The following TPRA1 variants were observed in gnomAD, a reference collection of about 807,000 sequenced individuals.
TPRA1 encodes transmembrane protein adipocyte-associated 1.
TPRA1 carries 28 observed loss-of-function variants against 40.1 expected under a neutral mutation model. That is an observed-to-expected ratio of 0.70 (90% CI 0.52 to 0.96). The LOEUF (loss-of-function observed/expected upper bound fraction) is 0.96. Among genes scored for constraint, TPRA1 ranks in the 40% least tolerant of loss-of-function variants. TPRA1 has a pLI of 0.00. For missense variants in TPRA1, 441 were observed against 482.6 expected, an observed-to-expected ratio of 0.91 and a Z score of 0.81; for synonymous variants, 219 against 209.7, an observed-to-expected ratio of 1.04 and a Z score of -0.38.
chr3:127,585,369 A>G (rs2073967987), intron 1 of TPRA1, among the ~76,000 whole-genome samples: 1 of 152,244 alleles, frequency 6.6e-6, no homozygotes, highest in Non-Finnish European at 1.5e-5. Flanking sequence ...GCCAGGTCCC[A>G]CATGCAACTC....
At chr3:127,580,195 G>A (rs2073788368) in intron 1 of TPRA1, 32 bp from the exon 2 acceptor site, 2 of 1,596,012 alleles carry the variant, frequency 1.3e-6, no homozygotes, top group Middle Eastern at 1.9e-4. Flanking sequence ...AGTGAGCTGT[G>A]TGGCCTGGGC....
At chr3:127,578,049 A>ACTGCTGTGCCCCCAAATC (rs1306539033) in intron 3 of TPRA1, among the ~76,000 whole-genome samples, 35 of 152,226 alleles carry the variant, frequency 2.3e-4, no homozygotes, top group Admixed American at 5.9e-4. Flanking sequence ...CCCCAGCAGC[A>ACTGCTGTGCCCCCAAATC]CTGCTGTGCC....
upstream of TPRA1, among the ~76,000 whole-genome samples, chr3:127,591,282 A>G (rs2074164556): frequency 6.6e-6 from 1 of 152,190 alleles, no homozygotes; most frequent in African/African-American, 2.4e-5. Flanking sequence ...CGGCGCCGCC[A>G]TGCCTCGGGC....
intron 1 of TPRA1, among the ~76,000 whole-genome samples, chr3:127,582,970 C>A (rs1299589281): frequency 6.6e-6 from 1 of 151,990 alleles, no homozygotes; most frequent in Admixed American, 6.6e-5. Flanking sequence ...ATGGAAAAAC[C>A]CTGTCTCTAC....
At chr3:127,582,718 A>AT (rs781092094) in intron 1 of TPRA1, among the ~76,000 whole-genome samples, 8 of 148,612 alleles carry the variant, frequency 5.4e-5, no homozygotes, top group African/African-American at 2.0e-4. Context: ...AAAAAAAAAA[A>AT]GGCTGGGCAC....
Position 127,579,826 on chromosome 3 carries a change from G to A in TPRA1, c.172C>T (p.Leu58Phe), listed in dbSNP as rs1483610153. The stretch of plus-strand genomic sequence containing the variant: ...GGAAGCTTCCAGAGCAGGAAGATGA[G>A]GAAGAGCACATTGGGGATGAGCAGC... ...LLLLIPNVLF[L>F]IFLLWKLPSA... The change falls in exon 3 of 11, where the codon CTC becomes TTC. Residue 58 changes from leucine (L) to phenylalanine (F), a missense_variant. Physicochemically the swap from Leu to Phe is conservative, Grantham distance 22. Transcript: ENST00000355552. 1.2e-6 allele frequency: 2 copies of A among 1,613,924 alleles called. No individual in the cohort carries two copies. Among genetic ancestry groups the A allele is most frequent in the Non-Finnish European group, 1.7e-6 (2 of 1,180,042 alleles).
At chr3:127,583,070 C>T (rs1007499994) in intron 1 of TPRA1, among the ~76,000 whole-genome samples, 25 of 151,216 alleles carry the variant, frequency 1.7e-4, no homozygotes, top group African/African-American at 4.1e-4. Flanking sequence ...CCCTTGAACC[C>T]GGGAGGCATA....
chr3:127,574,552 T>C (rs2073511643), intron 10 of TPRA1, among the ~76,000 whole-genome samples: 1 of 152,226 alleles, frequency 6.6e-6, no homozygotes, highest in Non-Finnish European at 1.5e-5. Context: ...CACTTAAGTC[T>C]TCCCCCAACA....
At chr3:127,592,540 C>A (rs942906189), upstream of TPRA1, among the ~76,000 whole-genome samples, 1 of 151,334 alleles carries the variant, frequency 6.6e-6, no homozygotes, top group African/African-American at 2.4e-5. Flanking sequence ...CGCCCGCCAC[C>A]GCGCCCGGCT....
chr3:127,587,316 A>G (rs1335521067), intron 1 of TPRA1: 3 of 152,176 alleles, frequency 2.0e-5, no homozygotes, highest in Non-Finnish European at 2.9e-5. Flanking sequence ...GGATGGAGAC[A>G]GATCTTGATG....
rs1168081985 is a variant in TPRA1, at chr3:127,573,527, A to T, written c.1116T>A (p.Asn372Lys). 1 of 1,610,896 alleles carries T rather than the reference A, an allele frequency of 6.2e-7. No homozygotes were observed. The highest frequency in any genetic ancestry group is 8.5e-7 in the Non-Finnish European group (1 of 1,178,742). The change falls in exon 11 of 11, where the codon AAT (asparagine) becomes AAA (lysine). Residue 372 changes from asparagine to lysine, a missense_variant. Transcript: ENST00000355552. ...STDSERWKAI[N>K]A ...CAGGCCCTGGCAGCTGCCCTCAGGC[A>T]TTGATGGCCTTCCAGCGCTCGCTGT...
intron 1 of TPRA1, among the ~76,000 whole-genome samples, chr3:127,589,689 C>T (rs755791644): frequency 1.3e-5 from 2 of 151,692 alleles, no homozygotes; most frequent in African/African-American, 2.4e-5. Flanking sequence ...CTCCTGACAC[C>T]TCCTCTGAGA....
At position 127,571,462 on chromosome 3, in the gene TPRA1, TTGA is replaced by T. The variant is rs534290231; in HGVS notation, c.*2056_*2058del. 3.3e-5 allele frequency: 5 copies of T among 152,228 alleles called. No homozygotes were observed. The highest frequency in any genetic ancestry group is 7.3e-5 in the Non-Finnish European group (5 of 68,038). 9.4% of individuals were successfully genotyped at this position (152,228 alleles called of 1,614,324 possible). Reference sequence around the variant, plus strand: ...ACCAAAAGCAAATTTATAAGGATTGTTGATGTTGCCTTGTTTGTTGTTGCAAAA... The same window carrying T: ...ACCAAAAGCAAATTTATAAGGATTGTTGTTGCCTTGTTTGTTGTTGCAAAA... On this transcript the variant is annotated 3_prime_UTR_variant, in exon 11 of 11. Coordinates refer to ENST00000355552, the MANE Select transcript of TPRA1 (RefSeq NM_001136053.4).
chr3:127,583,652 A>G (rs1413414201), intron 1 of TPRA1, among the ~76,000 whole-genome samples: 2 of 151,934 alleles, frequency 1.3e-5, no homozygotes, highest in African/African-American at 4.8e-5. Flanking sequence ...GGGGGCAAAG[A>G]AGCCCACCCT....
intron 1 of TPRA1, 64 bp from the exon 2 acceptor site, chr3:127,580,227 C>T: frequency 6.5e-7 from 1 of 1,533,876 alleles, no homozygotes. Context: ...TTCCCCTGGA[C>T]CTGGGACTCC....
intron 1 of TPRA1, among the ~76,000 whole-genome samples, chr3:127,589,241 G>A (rs1203662474): frequency 1.4e-5 from 2 of 147,120 alleles, no homozygotes; most frequent in African/African-American, 4.9e-5. Flanking sequence ...CGCTGAGAAC[G>A]ACTGGGTAAG....
chr3:127,592,520 G>C (rs913350905), upstream of TPRA1, among the ~76,000 whole-genome samples: 1 of 151,184 alleles, frequency 6.6e-6, no homozygotes, highest in African/African-American at 2.4e-5. Flanking sequence ...CGAGTAGCTG[G>C]GACTACAGGC....
chr3:127,589,222 T>C (rs2074092985), intron 1 of TPRA1, among the ~76,000 whole-genome samples: 1 of 141,226 alleles, frequency 7.1e-6, no homozygotes, highest in Non-Finnish European at 1.6e-5. Context: ...GGTCACGCAA[T>C]GCAGGACCCG....
Position 127,573,560 on chromosome 3 carries a change from G to A in TPRA1, c.1083C>T (p.Asn361=). 6.2e-7 allele frequency: 1 copy of A among 1,613,220 alleles called. No homozygotes were observed. The highest frequency in any genetic ancestry group is 8.5e-7 in the Non-Finnish European group (1 of 1,179,998). Residue 361 remains asparagine, a synonymous_variant, in exon 11 of 11, where the codon AAC becomes AAT. Transcript: ENST00000355552. ...ASMPCHTGSI[N]STDSERWKAI... is the part of the protein sequence containing the mutation. The stretch of plus-strand genomic sequence containing the variant: ...CCTTCCAGCGCTCGCTGTCTGTGCT[G>A]TTGATGCTGCCAGTGTGGCAGGGCA...
Sources: allele counts gnomAD v4.1 joint callset (sites outside exome capture counted in the v4.1 genomes callset), GRCh38; gene constraint gnomAD v4.1.1; transcripts MANE v1.5; gene names NCBI Gene and HGNC (gene_info 2026-07-23, HGNC 2026-07-21).